GRID2: variants seen among roughly 807,000 people sequenced by gnomAD.
GRID2 encodes glutamate ionotropic receptor delta type subunit 2.
Under a neutral mutation model 114.8 loss-of-function variants are expected in GRID2, and 33 were observed. The observed-to-expected ratio is 0.29, with a 90% CI of 0.22 to 0.38. The LOEUF (loss-of-function observed/expected upper bound fraction) is 0.38. GRID2 is among the 10% of genes least tolerant of loss of function. GRID2 has a pLI of 1.00. For synonymous variants in GRID2, 505 were observed against 449.9 expected, an observed-to-expected ratio of 1.12 and a Z score of -1.55; for missense variants, 1,184 against 1,257.7, an observed-to-expected ratio of 0.94 and a Z score of 0.89.
At chr4:92,998,824 TA>T (rs35765976) in intron 2 of GRID2, among the ~76,000 whole-genome samples, 9,452 of 151,810 alleles carry the variant, frequency 0.062, 399 homozygotes, top group East Asian at 0.19. Context: ...GAGGATCATT[TA>T]AAAAAATATT....
intron 3 of GRID2, among the ~76,000 whole-genome samples, chr4:93,087,939 A>G (rs528974462): frequency 1.3e-5 from 2 of 152,164 alleles, no homozygotes; most frequent in Admixed American, 6.6e-5. Context: ...TTGGAATTGT[A>G]TGTGACTTTT....
intron 8 of GRID2, among the ~76,000 whole-genome samples, chr4:93,306,504 A>C (rs886411214): frequency 3.3e-5 from 5 of 152,206 alleles, no homozygotes; most frequent in African/African-American, 1.2e-4. Flanking sequence ...AGGTAACCAA[A>C]GAATGAGATT....
intron 2 of GRID2, among the ~76,000 whole-genome samples, chr4:92,681,859 A>C (rs1231796921): frequency 2.0e-5 from 3 of 152,146 alleles, no homozygotes; most frequent in Non-Finnish European, 4.4e-5. Context: ...AAAGAAATGG[A>C]AGCCATATGC....
intron 14 of GRID2, among the ~76,000 whole-genome samples, chr4:93,751,993 G>A (rs1732363884): frequency 6.6e-6 from 1 of 151,002 alleles, no homozygotes; most frequent in Non-Finnish European, 1.5e-5. Flanking sequence ...TTTGGCTAGA[G>A]TATCAGAATG....
Position 93,240,770 on chromosome 4 carries a change from T to A in GRID2, c.1245+2280T>A, listed in dbSNP as rs567697660. Among the ~76,000 whole-genome samples the A allele has an allele frequency of 1.7e-4, 25 of 146,026 alleles. No individual in the cohort carries two copies. The East Asian group carries it at 3.3e-3, about 19-fold the overall frequency. On this transcript the variant is annotated intron_variant, in intron 8 of 15. Transcript: ENST00000282020. Reference sequence around the variant, plus strand: ...TATCTATCTAGAAGTTTTTTTTTTATATATATACGGGGTAAGAAAAAGGTA... The same window carrying A: ...TATCTATCTAGAAGTTTTTTTTTTAAATATATACGGGGTAAGAAAAAGGTA...
chr4:93,314,303 CAAAAAAAA>C (rs56977080), intron 8 of GRID2, among the ~76,000 whole-genome samples: 54 of 54,172 alleles, frequency 1.0e-3, no homozygotes, highest in Middle Eastern at 0.014. Context: ...GAGTCTGTCT[CAAAAAAAA>C]AAAAAAAAAA....
rs10536515 is a variant in GRID2, at chr4:93,797,842, G to GAA, written c.222-8855_222-8854dup. Among the ~76,000 whole-genome samples, 295 of 128,072 alleles carry GAA rather than the reference G, an allele frequency of 2.3e-3. 2 individuals carry two copies. The highest frequency in any genetic ancestry group is 0.014 in the South Asian group (54 of 3,748). 84.0% of individuals were successfully genotyped at this position (128,072 alleles called of 152,430 possible). A position where few individuals can be genotyped will look rare whatever the true frequency, so the allele number is the denominator to read the frequency against. Reference sequence around the variant, plus strand: ...GAAGGAGAAAAGTTTTCCCCAGGATGAAAAAAAAAAAAAAAAAAAGAGGAG... The same window carrying GAA: ...GAAGGAGAAAAGTTTTCCCCAGGATGAAAAAAAAAAAAAAAAAAAAAGAGGAG... On this transcript the variant is annotated intron_variant, in intron 1 of 1. Coordinates refer to the GRID2 transcript ENST00000637838.
At chr4:93,539,440 TTC>T (rs1732430080) in intron 13 of GRID2, among the ~76,000 whole-genome samples, 6 of 151,998 alleles carry the variant, frequency 3.9e-5, no homozygotes, top group African/African-American at 1.4e-4. Context: ...TTTCATAATG[TTC>T]AAATGTGCCC....
At chr4:93,559,266 C>T (rs1010536403) in intron 13 of GRID2, among the ~76,000 whole-genome samples, 1 of 152,136 alleles carries the variant, frequency 6.6e-6, no homozygotes, top group Non-Finnish European at 1.5e-5. Flanking sequence ...AGCTTCTGTA[C>T]AGCAAAATAA....
rs532350394 is a variant in GRID2, at chr4:93,788,043, G to A, written c.221+18593G>A. On this transcript the variant is annotated intron_variant, in intron 1 of 1. Coordinates refer to the GRID2 transcript ENST00000637838. ...GACAATGTAACGCCTAAGGCTGGGC[G>A]CGGTGGCTCACGTCTGTAATCCCAG... 2.6e-5 allele frequency among the ~76,000 whole-genome samples: 4 copies of A among 152,240 alleles called. No homozygotes were observed. The East Asian group carries it at 5.8e-4, about 22-fold the overall frequency.
intron 8 of GRID2, among the ~76,000 whole-genome samples, chr4:93,342,883 T>A (rs1043984825): frequency 1.3e-5 from 2 of 152,184 alleles, no homozygotes; most frequent in African/African-American, 4.8e-5. Flanking sequence ...TTTAGAATAA[T>A]TTATGCATCA....
At chr4:93,616,911 T>G (rs1256177173) in intron 13 of GRID2, among the ~76,000 whole-genome samples, 1 of 150,708 alleles carries the variant, frequency 6.6e-6, no homozygotes, top group Non-Finnish European at 1.5e-5. Flanking sequence ...GAGAATGGCG[T>G]GAACCCGGGA....
chr4:92,593,038 T>C (rs184459615), intron 2 of GRID2, among the ~76,000 whole-genome samples: 2 of 152,100 alleles, frequency 1.3e-5, no homozygotes, highest in Admixed American at 6.5e-5. Context: ...CATCACCTTG[T>C]CTGTTTTCAT....
intron 2 of GRID2, among the ~76,000 whole-genome samples, chr4:92,790,412 CTTTA>C (rs920132539): frequency 6.6e-6 from 1 of 151,552 alleles, no homozygotes; most frequent in South Asian, 2.1e-4. Flanking sequence ...AAAAATGTGT[CTTTA>C]TTTATTATCA....
chr4:92,674,481 A>T (rs1579816454), intron 2 of GRID2, among the ~76,000 whole-genome samples: 1 of 151,990 alleles, frequency 6.6e-6, no homozygotes, highest in African/African-American at 2.4e-5. Context: ...TTTTTATTTT[A>T]TCTGATGAAA....
chr4:92,807,439 G>A (rs930975866), intron 2 of GRID2, among the ~76,000 whole-genome samples: 9 of 151,852 alleles, frequency 5.9e-5, no homozygotes, highest in African/African-American at 2.2e-4. Flanking sequence ...CAAAAAAAAT[G>A]TCAAAGTAAG....
chr4:92,660,073 A>G (rs1732447912), intron 2 of GRID2, among the ~76,000 whole-genome samples: 1 of 151,408 alleles, frequency 6.6e-6, no homozygotes, highest in Non-Finnish European at 1.5e-5. Context: ...TATCCACGAA[A>G]ATATCATTCT....
At chr4:92,457,607 T>C (rs908205256) in intron 1 of GRID2, among the ~76,000 whole-genome samples, 5 of 152,150 alleles carry the variant, frequency 3.3e-5, no homozygotes, top group African/African-American at 1.2e-4. Flanking sequence ...TCATTATAAT[T>C]TATTTAAAGT....
intron 2 of GRID2, among the ~76,000 whole-genome samples, chr4:92,608,820 C>G (rs1455355717): frequency 6.6e-6 from 1 of 151,590 alleles, no homozygotes; most frequent in East Asian, 1.9e-4. Flanking sequence ...TTTGTTTATT[C>G]TGAATAAAAC....
Sources: allele counts gnomAD v4.1 joint callset (sites outside exome capture counted in the v4.1 genomes callset), GRCh38; gene constraint gnomAD v4.1.1; transcripts MANE v1.5; gene names NCBI Gene and HGNC (gene_info 2026-07-23, HGNC 2026-07-21).